RTN1: variants seen among roughly 807,000 people sequenced by gnomAD.
RTN1 encodes reticulon 1.
A neutral mutation model predicts 65.5 loss-of-function variants in RTN1; 25 were observed. The ratio of observed to expected loss-of-function variants is 0.38; its 90% CI spans 0.28 to 0.53. RTN1 has a LOEUF of 0.53. RTN1 is among the 20% of genes least tolerant of loss of function. The pLI is 0.79. For synonymous variants in RTN1, 471 were observed against 447.6 expected (o/e 1.05, Z -0.66); for missense variants, 983 against 1,025.4 (o/e 0.96, Z 0.57).
Position 59,605,721 on chromosome 14 carries a change from A to G in RTN1, c.1974-215T>C. 9 of 454,586 alleles carry G rather than the reference A, an allele frequency of 2.0e-5. No homozygotes were observed. In the South Asian group the frequency reaches 3.9e-4, roughly 20 times the overall value. 28.2% of individuals were successfully genotyped at this position (454,586 alleles called of 1,614,324 possible). A position where few individuals can be genotyped will look rare whatever the true frequency, so the allele number is the denominator to read the frequency against. On this transcript the variant is annotated intron_variant, in intron 4 of 8. Transcript: ENST00000267484. ...CAGAAAGCATGGTTCTCAGTGGAGC[A>G]TTGTGACTGTTTCTGGCTACCTAAG...
intron 2 of RTN1, among the ~76,000 whole-genome samples, chr14:59,733,388 C>T (rs546442484): frequency 6.6e-6 from 1 of 152,162 alleles, no homozygotes; most frequent in Non-Finnish European, 1.5e-5. Flanking sequence ...CCACCGTGCC[C>T]GGCCAGACTG....
intron 3 of RTN1, among the ~76,000 whole-genome samples, chr14:59,716,986 C>CAAAAA (rs67370818): frequency 3.3e-5 from 4 of 119,562 alleles, no homozygotes; most frequent in East Asian, 2.6e-4. Context: ...AACAAACAAA[C>CAAAAA]AAAAAAAAAA....
At chr14:59,742,340 A>G (rs1366618981) in intron 2 of RTN1, among the ~76,000 whole-genome samples, 1 of 152,192 alleles carries the variant, frequency 6.6e-6, no homozygotes, top group Non-Finnish European at 1.5e-5. Flanking sequence ...TGTGTCAGAA[A>G]CAACATGGTG....
intron 3 of RTN1, among the ~76,000 whole-genome samples, chr14:59,696,356 T>A (rs530051897): frequency 2.0e-4 from 30 of 152,234 alleles, no homozygotes. Context: ...AAGTCACTCA[T>A]CATCCTCAGA....
chr14:59,599,786 A>C (rs191161972), intron 8 of RTN1, among the ~76,000 whole-genome samples: 2 of 152,304 alleles, frequency 1.3e-5, no homozygotes, highest in East Asian at 3.9e-4. Flanking sequence ...ATCAAATATA[A>C]CATCTAGAAT....
intron 3 of RTN1, among the ~76,000 whole-genome samples, chr14:59,662,882 C>A (rs1455143956): frequency 3.3e-5 from 5 of 152,242 alleles, no homozygotes; most frequent in Non-Finnish European, 7.4e-5. Context: ...CATCAAGCTA[C>A]CATTGACTTT....
At chr14:59,869,625 A>G (rs1182937037) in intron 1 of RTN1, among the ~76,000 whole-genome samples, 1 of 142,128 alleles carries the variant, frequency 7.0e-6, no homozygotes, top group East Asian at 2.0e-4. Flanking sequence ...TACCACGTCC[A>G]CTCACCACCA....
chr14:59,862,300 C>T lies in RTN1; in HGVS notation c.241+8090G>A, dbSNP rs142708301. Among the ~76,000 whole-genome samples the T allele has an allele frequency of 3.1e-3, 472 of 152,242 alleles. 3 individuals carry two copies. Among genetic ancestry groups the T allele is most frequent in the Middle Eastern group, 0.02 (6 of 294 alleles). On this transcript the variant is annotated intron_variant, in intron 1 of 8. Coordinates refer to ENST00000267484, the MANE Select transcript of RTN1 (RefSeq NM_021136.3). ...CATTAGCGTCTGGTTTACTGTAATT[C>T]CCAGGATCTGTCATGGTTCATTGTG...
At chr14:59,834,745 C>A (rs1033872328) in intron 1 of RTN1, among the ~76,000 whole-genome samples, 2 of 151,956 alleles carry the variant, frequency 1.3e-5, no homozygotes, top group Non-Finnish European at 2.9e-5. Flanking sequence ...AAGCAAGTAG[C>A]AAACAAAAAA....
intron 2 of RTN1, among the ~76,000 whole-genome samples, chr14:59,742,107 G>C (rs1029375590): frequency 1.3e-5 from 2 of 152,058 alleles, no homozygotes; most frequent in African/African-American, 4.8e-5. Context: ...AATATTTTTT[G>C]AACAAAAGAA....
At chr14:59,651,849 T>C (rs1312317473) in intron 3 of RTN1, among the ~76,000 whole-genome samples, 1 of 152,104 alleles carries the variant, frequency 6.6e-6, no homozygotes, top group Non-Finnish European at 1.5e-5. Flanking sequence ...GGGATCTAAT[T>C]TAATTTAAAT....
chr14:59,844,056 G>C (rs1887361595), intron 1 of RTN1, among the ~76,000 whole-genome samples: 3 of 152,160 alleles, frequency 2.0e-5, no homozygotes, highest in African/African-American at 7.2e-5. Context: ...CTGCCTCTTT[G>C]TGAGAATACA....
chr14:59,694,565 G>A (rs1488710153), intron 3 of RTN1, among the ~76,000 whole-genome samples: 2 of 152,132 alleles, frequency 1.3e-5, no homozygotes, highest in Non-Finnish European at 2.9e-5. Context: ...TTTGCACGGT[G>A]CAAAAACATT....
At chr14:59,709,047 C>T (rs556243425) in intron 3 of RTN1, among the ~76,000 whole-genome samples, 68 of 152,252 alleles carry the variant, frequency 4.5e-4, no homozygotes, top group African/African-American at 1.6e-3. Context: ...TTGGGAGAAT[C>T]TGCATATGAA....
At chr14:59,837,291 T>G (rs1887229530) in intron 1 of RTN1, among the ~76,000 whole-genome samples, 2 of 151,948 alleles carry the variant, frequency 1.3e-5, no homozygotes, top group Admixed American at 1.3e-4. Context: ...CTACATTCAT[T>G]AACCAAAACA....
At chr14:59,722,911 C>T (rs1039584660) in intron 3 of RTN1, among the ~76,000 whole-genome samples, 8 of 151,864 alleles carry the variant, frequency 5.3e-5, no homozygotes, top group African/African-American at 1.7e-4. Context: ...GATCCTCCCA[C>T]ATCAGCCACC....
intron 3 of RTN1, among the ~76,000 whole-genome samples, chr14:59,623,180 C>T (rs1347328128): frequency 1.3e-5 from 2 of 152,242 alleles, no homozygotes; most frequent in African/African-American, 2.4e-5. Flanking sequence ...ATGACTCCTC[C>T]TCGGGCTGGA....
At chr14:59,721,928 T>C (rs1334099379) in intron 3 of RTN1, among the ~76,000 whole-genome samples, 2 of 152,204 alleles carry the variant, frequency 1.3e-5, no homozygotes, top group Non-Finnish European at 2.9e-5. Flanking sequence ...GATGGATGGA[T>C]GAAAATTCAT....
chr14:59,642,173 T>C (rs974840916), intron 3 of RTN1, among the ~76,000 whole-genome samples: 7 of 152,222 alleles, frequency 4.6e-5, no homozygotes, highest in African/African-American at 1.4e-4. Flanking sequence ...TCCACCAACA[T>C]CTAGACTTAA....
Sources: allele counts gnomAD v4.1 joint callset (sites outside exome capture counted in the v4.1 genomes callset), GRCh38; gene constraint gnomAD v4.1.1; transcripts MANE v1.5; gene names NCBI Gene and HGNC (gene_info 2026-07-23, HGNC 2026-07-21).